STAB2: variants seen among roughly 807,000 people sequenced by gnomAD.
The protein encoded by STAB2 is stabilin 2.
In STAB2, 288 loss-of-function variants were observed where a neutral mutation model predicts 338.1. That is an observed-to-expected ratio of 0.85 (90% CI 0.77 to 0.94). The LOEUF (loss-of-function observed/expected upper bound fraction) is 0.94, where lower values mean the gene tolerates loss of function less well. Among genes scored for constraint, STAB2 ranks in the 40% least tolerant of loss-of-function variants. STAB2 has a pLI of 0.00. For missense variants in STAB2, 3,141 were observed against 3,210.1 expected, an observed-to-expected ratio of 0.98 and a Z score of 0.52; for synonymous variants, 1,202 against 1,193.3, an observed-to-expected ratio of 1.01 and a Z score of -0.15.
chr12:103,619,479 C>T (rs908088062), intron 3 of STAB2, among the ~76,000 whole-genome samples: 63 of 152,202 alleles, frequency 4.1e-4, no homozygotes, highest in African/African-American at 1.5e-3. Flanking sequence ...TGATTGTGGG[C>T]ATTGTAATTT....
chr12:103,653,604 C>CTGGA (rs375522471), intron 12 of STAB2, among the ~76,000 whole-genome samples: 19,210 of 123,272 alleles, frequency 0.16, 2,755 homozygotes, highest in African/African-American at 0.33. Flanking sequence ...GGATAGGTCA[C>CTGGA]TGGATGGATG....
intron 61 of STAB2, among the ~76,000 whole-genome samples, chr12:103,753,855 A>G (rs1224957880): frequency 6.6e-6 from 1 of 152,134 alleles, no homozygotes; most frequent in East Asian, 1.9e-4. Context: ...AAAACAGTGG[A>G]GTTTCCCTGG....
intron 11 of STAB2, 33 bp downstream of exon 11, chr12:103,650,611 C>T (rs1349907763): frequency 6.3e-7 from 1 of 1,582,736 alleles, no homozygotes; most frequent in Non-Finnish European, 8.7e-7. Context: ...CACCAAGGGG[C>T]TAATATGAAA....
At position 103,763,473 on chromosome 12, in the gene STAB2, T is replaced by C. The variant is rs902900457; in HGVS notation, c.7489-19T>C. Reference sequence around the variant, plus strand: ...GCTTTGGGGATGCTCCTGGCTTTCATGCTTGTCTTTCCAAACAGTCGGAAG... The same window carrying C: ...GCTTTGGGGATGCTCCTGGCTTTCACGCTTGTCTTTCCAAACAGTCGGAAG... On this transcript the variant is annotated intron_variant, in intron 67 of 68. Transcript: ENST00000388887. 1.9e-6 allele frequency: 3 copies of C among 1,612,532 alleles called. No homozygotes were observed. Among genetic ancestry groups the C allele is most frequent in the East Asian group, 2.2e-5 (1 of 44,856 alleles).
At chr12:103,687,787 C>A (rs928656853) in intron 27 of STAB2, among the ~76,000 whole-genome samples, 1 of 152,156 alleles carries the variant, frequency 6.6e-6, no homozygotes, top group Non-Finnish European at 1.5e-5. Flanking sequence ...AGCCACTACT[C>A]ACCAACGGCT....
chr12:103,739,572 T>TGTGTGTGTGTGCGC (rs373686630), intron 54 of STAB2, 104 bp downstream of exon 54: 15 of 735,698 alleles, frequency 2.0e-5, no homozygotes, highest in African/African-American at 1.0e-4. Flanking sequence ...TGTGTGTGTG[T>TGTGTGTGTGTGCGC]GCCCGTGCAC....
At chr12:103,639,008 C>A (rs1957597433) in intron 8 of STAB2, among the ~76,000 whole-genome samples, 1 of 152,172 alleles carries the variant, frequency 6.6e-6, no homozygotes, top group African/African-American at 2.4e-5. Context: ...CCCAACCTTG[C>A]CTCCAAAGAG....
At chr12:103,643,868 G>T (rs572683606) in intron 9 of STAB2, among the ~76,000 whole-genome samples, 6 of 143,244 alleles carry the variant, frequency 4.2e-5, no homozygotes, top group Non-Finnish European at 7.7e-5. Context: ...CGCCCCGTCC[G>T]GGAGGTGAGG....
At chr12:103,652,080 A>G (rs1873786391) in intron 11 of STAB2, among the ~76,000 whole-genome samples, 2 of 152,204 alleles carry the variant, frequency 1.3e-5, no homozygotes, top group African/African-American at 4.8e-5. Flanking sequence ...TAGTAATGAC[A>G]AAAGTAGATT....
At position 103,635,162 on chromosome 12, in the gene STAB2, G is replaced by A. The variant is rs192768555; in HGVS notation, c.584-1949G>A. On this transcript the variant is annotated intron_variant, in intron 6 of 68. Coordinates refer to ENST00000388887, the MANE Select transcript of STAB2 (RefSeq NM_017564.10). ...CCAGATCATCTGTTCAAGGATGTTTGTATACTGAACAGACTTGGAAAACAT... is the reference window on the plus strand; with the variant it reads ...CCAGATCATCTGTTCAAGGATGTTTATATACTGAACAGACTTGGAAAACAT... Among the ~76,000 whole-genome samples, 6 of 152,316 alleles carry A rather than the reference G, an allele frequency of 3.9e-5. No homozygotes were observed. In the East Asian group the frequency reaches 9.6e-4, roughly 24 times the overall value.
intron 34 of STAB2, among the ~76,000 whole-genome samples, chr12:103,699,963 G>T (rs960533583): frequency 6.6e-6 from 1 of 152,180 alleles, no homozygotes; most frequent in Non-Finnish European, 1.5e-5. Context: ...AGTGGTGTGG[G>T]CTCCAGGGCA....
At chr12:103,639,696 C>G (rs1245437908) in intron 8 of STAB2, among the ~76,000 whole-genome samples, 1 of 127,614 alleles carries the variant, frequency 7.8e-6, no homozygotes, top group Non-Finnish European at 1.7e-5. Flanking sequence ...CAGAGTAAGA[C>G]CCTGTCTCAA....
intron 5 of STAB2, among the ~76,000 whole-genome samples, chr12:103,627,038 G>A (rs1303222425): frequency 6.6e-6 from 1 of 152,210 alleles, no homozygotes; most frequent in Admixed American, 6.5e-5. Flanking sequence ...CAGACCATGT[G>A]CAGAGGGATT....
Position 103,717,804 on chromosome 12 carries a change from A to T in STAB2, c.4646A>T (p.Asp1549Val). The part of the protein sequence containing the change: ...ACNCLPAYTG[D>V]GKVCTLINVC... ...AACTGTTTGCCAGCATACACTGGAG[A>T]TGGAAAGGTCTGCACACTCATCAAT... The change falls in exon 44 of 69, where the codon GAT (aspartate) becomes GTT (valine). Residue 1549 changes from aspartate (D) to valine (V), a missense_variant. Coordinates refer to ENST00000388887, the MANE Select transcript of STAB2 (RefSeq NM_017564.10). 1.2e-6 allele frequency: 2 copies of T among 1,614,060 alleles called. No homozygotes were observed. Among genetic ancestry groups the T allele is most frequent in the Non-Finnish European group, 1.7e-6 (2 of 1,179,976 alleles).
intron 53 of STAB2, among the ~76,000 whole-genome samples, chr12:103,738,436 C>T (rs1258613535): frequency 6.6e-6 from 1 of 152,200 alleles, no homozygotes; most frequent in East Asian, 1.9e-4. Context: ...GAACAGTTAT[C>T]ATCTGCCCTA....
intron 12 of STAB2, among the ~76,000 whole-genome samples, chr12:103,653,961 G>GATGGATGGATGGATGGATGGATGGGTGA (rs1157585199): frequency 6.6e-6 from 1 of 151,626 alleles, no homozygotes; most frequent in Non-Finnish European, 1.5e-5. Flanking sequence ...TGGATAGGTG[G>GATGGATGGATGGATGGATGGATGGGTGA]ATGGATGGAT....
chr12:103,593,380 C>T (rs765440138), intron 2 of STAB2, among the ~76,000 whole-genome samples: 8 of 152,112 alleles, frequency 5.3e-5, no homozygotes, highest in Non-Finnish European at 7.4e-5. Flanking sequence ...GTTGTGAGGA[C>T]GTATCCCATT....
At position 103,762,478 on chromosome 12, in the gene STAB2, C is replaced by T. The variant is rs149380334; in HGVS notation, c.7488+76C>T. ...GTCCCTGGACCTGGGCTGCTTCAGT[C>T]GGTGGCTGCGCCAGAGTCCTCACCC... is the stretch of plus-strand genomic sequence containing the variant. On this transcript the variant is annotated intron_variant, in intron 67 of 68. Transcript: ENST00000388887. 448 of 1,602,756 alleles carry T rather than the reference C, an allele frequency of 2.8e-4. 2 individuals are homozygous for T. The African/African-American group carries it at 4.5e-3, about 16-fold the overall frequency.
intron 46 of STAB2, 27 bp from the exon 47 acceptor site, chr12:103,727,238 ATG>A (rs1566051900): frequency 6.2e-7 from 1 of 1,612,198 alleles, no homozygotes; most frequent in East Asian, 2.2e-5. Context: ...TAAGTGAGTG[ATG>A]TGTGAGCCTC....
Sources: allele counts gnomAD v4.1 joint callset (sites outside exome capture counted in the v4.1 genomes callset), GRCh38; gene constraint gnomAD v4.1.1; transcripts MANE v1.5; gene names NCBI Gene and HGNC (gene_info 2026-07-23, HGNC 2026-07-21).